The following PPP1R9A variants were observed in gnomAD, a reference collection of about 807,000 sequenced individuals.
PPP1R9A encodes protein phosphatase 1 regulatory subunit 9A.
In PPP1R9A, 59 loss-of-function variants were observed where a neutral mutation model predicts 141.9. The observed-to-expected ratio is 0.42, with a 90% CI of 0.34 to 0.52. PPP1R9A has a LOEUF of 0.52. PPP1R9A is among the 20% of genes least tolerant of loss of function. PPP1R9A has a pLI of 0.10. For synonymous variants in PPP1R9A, 500 were observed against 569.7 expected, an observed-to-expected ratio of 0.88 and a Z score of 1.74; for missense variants, 1,444 against 1,611.9, an observed-to-expected ratio of 0.90 and a Z score of 1.78.
chr7:95,114,343 G>A (rs1261267042), intron 3 of PPP1R9A, among the ~76,000 whole-genome samples: 1 of 151,968 alleles, frequency 6.6e-6, no homozygotes, highest in Non-Finnish European at 1.5e-5. Flanking sequence ...TATTGTTTTG[G>A]GATACACAAA....
intron 12 of PPP1R9A, among the ~76,000 whole-genome samples, chr7:95,264,835 G>A (rs934826781): frequency 2.0e-5 from 3 of 152,128 alleles, no homozygotes; most frequent in East Asian, 1.9e-4. Context: ...GAAATTTTCC[G>A]CTGACCCTTA....
chr7:95,001,276 A>G (rs1273356378), intron 2 of PPP1R9A, among the ~76,000 whole-genome samples: 1 of 152,200 alleles, frequency 6.6e-6, no homozygotes, highest in Non-Finnish European at 1.5e-5. Context: ...CAGTTGAGCT[A>G]TTGAAAGTAA....
intron 4 of PPP1R9A, 105 bp from the exon 5 acceptor site, chr7:95,161,762 T>C: frequency 2.8e-6 from 2 of 703,716 alleles, no homozygotes; most frequent in Non-Finnish European, 4.5e-6. Context: ...TCAAAAAGAG[T>C]ATCTTAAAAA....
At chr7:94,952,841 T>C (rs1166292995) in intron 2 of PPP1R9A, among the ~76,000 whole-genome samples, 1 of 152,200 alleles carries the variant, frequency 6.6e-6, no homozygotes, top group East Asian at 1.9e-4. Flanking sequence ...AAATTCCTTG[T>C]AGATTCTGGA....
intron 2 of PPP1R9A, chr7:95,108,802 A>G (rs1820038223): frequency 6.6e-6 from 1 of 152,118 alleles, no homozygotes; most frequent in Admixed American, 6.6e-5. Flanking sequence ...GGAGTTATTT[A>G]TTTGAAACAG....
intron 2 of PPP1R9A, among the ~76,000 whole-genome samples, chr7:94,964,605 C>T (rs1043048539): frequency 2.0e-5 from 3 of 151,956 alleles, no homozygotes; most frequent in South Asian, 2.1e-4. Context: ...CTGTTCCTGT[C>T]GTAGTTTGCT....
intron 2 of PPP1R9A, among the ~76,000 whole-genome samples, chr7:95,015,820 T>A (rs949915795): frequency 6.6e-6 from 1 of 151,824 alleles, no homozygotes; most frequent in Non-Finnish European, 1.5e-5. Flanking sequence ...GAGGCTAAGG[T>A]GGGAGGATTA....
At chr7:95,242,256 A>G (rs907769159) in intron 8 of PPP1R9A, among the ~76,000 whole-genome samples, 2 of 152,214 alleles carry the variant, frequency 1.3e-5, no homozygotes, top group African/African-American at 4.8e-5. Flanking sequence ...ACTCACAAAG[A>G]TAACTAAAAA....
At chr7:95,046,675 G>C (rs1296448948) in intron 2 of PPP1R9A, among the ~76,000 whole-genome samples, 2 of 152,134 alleles carry the variant, frequency 1.3e-5, no homozygotes, top group Non-Finnish European at 2.9e-5. Context: ...ATGCATTTTA[G>C]CTATGGGGAC....
At chr7:95,197,414 T>C (rs1836437662) in intron 5 of PPP1R9A, among the ~76,000 whole-genome samples, 1 of 152,188 alleles carries the variant, frequency 6.6e-6, no homozygotes, top group Admixed American at 6.5e-5. Context: ...TTACTTGTTT[T>C]TCTCTTTAGG....
At chr7:95,171,833 G>A (rs914063407) in intron 5 of PPP1R9A, among the ~76,000 whole-genome samples, 2 of 151,558 alleles carry the variant, frequency 1.3e-5, no homozygotes, top group Non-Finnish European at 3.0e-5. Context: ...ATGTTGCTAT[G>A]ATAGTATAAT....
At chr7:94,908,045 A>C (rs1249882426) in intron 1 of PPP1R9A, 2 of 149,374 alleles carry the variant, frequency 1.3e-5, no homozygotes, top group African/African-American at 4.9e-5. Flanking sequence ...CGCCGAGCCG[A>C]GCCGCCGCGT....
At chr7:95,263,905 C>G (rs889297437) in intron 12 of PPP1R9A, among the ~76,000 whole-genome samples, 3 of 152,120 alleles carry the variant, frequency 2.0e-5, no homozygotes, top group African/African-American at 4.8e-5. Context: ...CTTCTAAGCA[C>G]TTTTATATCT....
At chr7:95,283,472 C>T (rs952875701) in intron 16 of PPP1R9A, among the ~76,000 whole-genome samples, 7 of 152,282 alleles carry the variant, frequency 4.6e-5, no homozygotes, top group East Asian at 1.9e-4. Flanking sequence ...AGATCTCCTA[C>T]GCCTCCTGTG....
intron 3 of PPP1R9A, among the ~76,000 whole-genome samples, chr7:95,111,764 A>T (rs1820616287): frequency 6.6e-6 from 1 of 152,174 alleles, no homozygotes; most frequent in Admixed American, 6.6e-5. Flanking sequence ...TAATTGGAAA[A>T]TTATGGAGAT....
chr7:95,132,895 C>T (rs1400702706), intron 4 of PPP1R9A, among the ~76,000 whole-genome samples: 1 of 152,170 alleles, frequency 6.6e-6, no homozygotes, highest in Non-Finnish European at 1.5e-5. Context: ...TGTTACAGCT[C>T]TCACCCAGAG....
intron 8 of PPP1R9A, among the ~76,000 whole-genome samples, chr7:95,236,658 G>T: frequency 1.4e-5 from 2 of 143,188 alleles, no homozygotes; most frequent in Admixed American, 6.9e-5. Context: ...TGTCATTCTA[G>T]CTTTTTAGTT....
chr7:95,288,444 G>A, intron 18 of PPP1R9A, 92 bp from the exon 19 acceptor site: 3 of 1,491,554 alleles, frequency 2.0e-6, no homozygotes, highest in Non-Finnish European at 2.7e-6. Context: ...CATAAATGTG[G>A]CTCTCATAGG....
At chr7:95,219,892 T>C (rs1794153444) in intron 7 of PPP1R9A, among the ~76,000 whole-genome samples, 1 of 152,104 alleles carries the variant, frequency 6.6e-6, no homozygotes, top group Non-Finnish European at 1.5e-5. Flanking sequence ...AATGCTTTTT[T>C]TGTTGCATTA....
Sources: gnomAD v4.1 joint callset for allele counts (sites outside exome capture counted in the v4.1 genomes callset) on GRCh38, gnomAD v4.1.1 for gene constraint, MANE v1.5 for transcripts, NCBI Gene and HGNC (gene_info 2026-07-23, HGNC 2026-07-21) for gene names.